TBC1D5: variants seen among roughly 807,000 people sequenced by gnomAD.
The protein encoded by TBC1D5 is TBC1 domain family, member 5.
A neutral mutation model predicts 100.3 loss-of-function variants in TBC1D5; 75 were observed. The observed-to-expected ratio is 0.75, with a 90% CI of 0.62 to 0.91. The LOEUF is 0.91. Among genes scored for constraint, TBC1D5 ranks in the 40% least tolerant of loss-of-function variants. The probability of loss-of-function intolerance (pLI) is 0.00; values close to 1 mark genes in which losing one functional copy is unlikely to be tolerated. For synonymous variants in TBC1D5, 323 were observed against 325.6 expected, an observed-to-expected ratio of 0.99 and a Z score of 0.09; for missense variants, 910 against 942.4, an observed-to-expected ratio of 0.97 and a Z score of 0.45.
intron 1 of TBC1D5, among the ~76,000 whole-genome samples, chr3:17,719,133 C>T (rs1176469611): frequency 7.2e-5 from 11 of 152,058 alleles, no homozygotes; most frequent in Non-Finnish European, 2.9e-5. Flanking sequence ...CTTAAATAAA[C>T]TTTTTTATAA....
intron 13 of TBC1D5, among the ~76,000 whole-genome samples, chr3:17,336,801 G>C (rs373086339): frequency 1.3e-5 from 2 of 152,004 alleles, no homozygotes; most frequent in African/African-American, 4.8e-5. Flanking sequence ...ATGATATTAG[G>C]TGAATAAATA....
chr3:17,269,293 AG>A (rs1333418914), intron 15 of TBC1D5, among the ~76,000 whole-genome samples: 1 of 152,070 alleles, frequency 6.6e-6, no homozygotes, highest in Admixed American at 6.6e-5. Flanking sequence ...CAGTGAAGTA[AG>A]TTGTCTACTT....
Position 17,497,481 on chromosome 3 carries a change from T to C in TBC1D5, c.97+10993A>G, listed in dbSNP as rs143644539. On this transcript the variant is annotated intron_variant, in intron 3 of 21. Transcript: ENST00000253692. ...TCTTTGGGCGGCAGCCCTCACTCTG[T>C]ATGATAAAATATATGTGCCCCTAAG... 4.6e-5 allele frequency among the ~76,000 whole-genome samples: 7 copies of C among 152,350 alleles called. No homozygotes were observed. The East Asian group carries it at 1.2e-3, about 25-fold the overall frequency.
intron 19 of TBC1D5, among the ~76,000 whole-genome samples, chr3:17,169,772 G>C (rs2066987352): frequency 6.6e-6 from 1 of 152,228 alleles, no homozygotes; most frequent in African/African-American, 2.4e-5. Context: ...CAGTTCTGTA[G>C]GTCTTTTAGA....
chr3:17,263,848 C>T (rs555957541), intron 15 of TBC1D5, among the ~76,000 whole-genome samples: 33 of 152,286 alleles, frequency 2.2e-4, no homozygotes, highest in African/African-American at 5.5e-4. Flanking sequence ...ATCACAAAAT[C>T]GACTTACAAT....
At chr3:17,480,614 G>A (rs1030954473) in intron 3 of TBC1D5, among the ~76,000 whole-genome samples, 9 of 152,108 alleles carry the variant, frequency 5.9e-5, no homozygotes, top group Non-Finnish European at 1.0e-4. Context: ...TCTGCTAAGC[G>A]CTGGACATTC....
chr3:17,726,041 T>C (rs2076097841), intron 1 of TBC1D5, among the ~76,000 whole-genome samples: 1 of 152,208 alleles, frequency 6.6e-6, no homozygotes, highest in Admixed American at 6.5e-5. Context: ...ACAACGGACA[T>C]GATGTCATTC....
intron 1 of TBC1D5, among the ~76,000 whole-genome samples, chr3:17,732,585 A>G (rs1434128779): frequency 4.0e-5 from 6 of 151,560 alleles, no homozygotes; most frequent in Non-Finnish European, 2.9e-5. Flanking sequence ...CTAAAAATAC[A>G]AAAATTTGCC....
At chr3:17,467,646 G>C (rs1296211729) in intron 3 of TBC1D5, among the ~76,000 whole-genome samples, 2 of 151,992 alleles carry the variant, frequency 1.3e-5, no homozygotes, top group African/African-American at 4.8e-5. Flanking sequence ...AGGCTAAGGC[G>C]GGCAGATCAC....
chr3:17,683,833 C>G (rs1350457146), intron 1 of TBC1D5, among the ~76,000 whole-genome samples: 1 of 152,172 alleles, frequency 6.6e-6, no homozygotes, highest in Non-Finnish European at 1.5e-5. Flanking sequence ...AGCTCTGTAT[C>G]TGCACATAAG....
intron 18 of TBC1D5, among the ~76,000 whole-genome samples, chr3:17,211,981 G>A (rs1458902884): frequency 2.0e-5 from 3 of 152,174 alleles, no homozygotes; most frequent in Non-Finnish European, 1.5e-5. Flanking sequence ...TGGTTAAAAC[G>A]CCAGAAGCTG....
In TBC1D5 at chr3:17,455,500, ATATG is replaced by A. The variant is rs759426378; in HGVS notation, c.98-26985_98-26982del. On this transcript the variant is annotated intron_variant, in intron 3 of 21. Coordinates refer to ENST00000253692, the Ensembl canonical transcript of TBC1D5. ...TATATGTATATATATGTGTATATATATATGTGTGTGTGTATATATATATATATAT... is the reference window on the plus strand; with the variant it reads ...TATATGTATATATATGTGTATATATATGTGTGTGTATATATATATATATAT... 3.0e-3 allele frequency among the ~76,000 whole-genome samples: 420 copies of A among 138,786 alleles called. 4 individuals are homozygous for A. Among genetic ancestry groups the A allele is most frequent in the Non-Finnish European group, 5.4e-3 (355 of 65,958 alleles). 91.0% of individuals were successfully genotyped at this position (138,786 alleles called of 152,430 possible).
intron 16 of TBC1D5, among the ~76,000 whole-genome samples, chr3:17,247,431 G>C (rs1275458577): frequency 1.3e-5 from 2 of 152,100 alleles, no homozygotes; most frequent in Admixed American, 1.3e-4. Context: ...TCTAAAAAAA[G>C]GAAAAATACT....
intron 1 of TBC1D5, among the ~76,000 whole-genome samples, chr3:17,639,950 T>C (rs1299071057): frequency 1.3e-5 from 2 of 152,118 alleles, no homozygotes; most frequent in African/African-American, 4.8e-5. Context: ...GCAACAAGCA[T>C]AGGAGAGGGA....
At chr3:17,335,920 C>T (rs185732391) in intron 13 of TBC1D5, among the ~76,000 whole-genome samples, 27 of 152,212 alleles carry the variant, frequency 1.8e-4, no homozygotes, top group Middle Eastern at 3.4e-3. Flanking sequence ...AAAGCTCATG[C>T]TGGCTTCTTT....
chr3:17,656,615 A>T (rs2066088008), intron 1 of TBC1D5, among the ~76,000 whole-genome samples: 1 of 152,176 alleles, frequency 6.6e-6, no homozygotes, highest in South Asian at 2.1e-4. Context: ...CTAACTTCAG[A>T]CACTCCTCTC....
intron 1 of TBC1D5, among the ~76,000 whole-genome samples, chr3:17,670,886 A>C (rs2067860636): frequency 6.6e-6 from 1 of 152,224 alleles, no homozygotes. Flanking sequence ...TGCCTTTGAT[A>C]ATCGACTAAA....
intron 13 of TBC1D5, among the ~76,000 whole-genome samples, chr3:17,313,476 A>G (rs1312754066): frequency 6.6e-6 from 1 of 152,182 alleles, no homozygotes; most frequent in Non-Finnish European, 1.5e-5. Context: ...ATGATCAAAT[A>G]AATTTTCTAA....
Position 17,681,713 on chromosome 3 carries a change from A to C in TBC1D5, c.-101+57630T>G, listed in dbSNP as rs1039899160. Among the ~76,000 whole-genome samples the C allele has an allele frequency of 6.6e-5, 10 of 151,670 alleles. 1 individual carries two copies. The highest frequency in any genetic ancestry group is 2.4e-4 in the African/African-American group (10 of 40,912). ...ATTAGATTTCACGAAAATGTCAAACATACTACAAATTAGAACATGGGTCTC... is the reference window on the plus strand; with the variant it reads ...ATTAGATTTCACGAAAATGTCAAACCTACTACAAATTAGAACATGGGTCTC... On this transcript the variant is annotated intron_variant, in intron 1 of 21. Transcript: ENST00000253692.
Sources: allele counts gnomAD v4.1 joint callset (sites outside exome capture counted in the v4.1 genomes callset), GRCh38; gene constraint gnomAD v4.1.1; transcripts MANE v1.5; gene names NCBI Gene and HGNC (gene_info 2026-07-23, HGNC 2026-07-21).